The following LMBR1 variants were observed in gnomAD, a reference collection of about 807,000 sequenced individuals.
LMBR1 encodes limb development membrane protein 1, also known as limb region 1 protein homolog.
A neutral mutation model predicts 73.9 loss-of-function variants in LMBR1; 52 were observed. The ratio of observed to expected loss-of-function variants is 0.70; its 90% CI spans 0.56 to 0.89. The LOEUF is 0.89. Ranked by LOEUF, LMBR1 falls within the 40% of genes least tolerant of loss-of-function variation. The pLI is 0.00. For synonymous variants in LMBR1, 215 were observed against 209.4 expected (o/e 1.03, Z -0.23); for missense variants, 539 against 579.8 (o/e 0.93, Z 0.72).
intron 15 of LMBR1, among the ~76,000 whole-genome samples, chr7:156,697,092 C>T (rs780941947): frequency 5.3e-5 from 8 of 152,102 alleles, no homozygotes; most frequent in Non-Finnish European, 1.0e-4. Context: ...ATAGCTGGGC[C>T]GCCAGGGGTG....
intron 10 of LMBR1, among the ~76,000 whole-genome samples, chr7:156,731,272 G>T (rs1816785300): frequency 6.6e-6 from 1 of 151,984 alleles, no homozygotes; most frequent in South Asian, 2.1e-4. Flanking sequence ...ATACAGAAAA[G>T]AATATAAGAA....
At chr7:156,817,490 GAC>G (rs1270219490) in intron 4 of LMBR1, among the ~76,000 whole-genome samples, 1 of 121,604 alleles carries the variant, frequency 8.2e-6, no homozygotes, top group African/African-American at 3.3e-5. Context: ...GGTAAAAAGA[GAC>G]AGAGAGAGAG....
At chr7:156,784,297 C>G (rs1419871691) in intron 5 of LMBR1, among the ~76,000 whole-genome samples, 2 of 152,172 alleles carry the variant, frequency 1.3e-5, no homozygotes, top group African/African-American at 4.8e-5. Context: ...TATTTAAGAA[C>G]TCTTGTCCTG....
At chr7:156,861,128 AGG>A (rs1038988554) in intron 1 of LMBR1, among the ~76,000 whole-genome samples, 1 of 152,210 alleles carries the variant, frequency 6.6e-6, no homozygotes, top group African/African-American at 2.4e-5. Flanking sequence ...GTTCTCCATG[AGG>A]GCCCAGCCCC....
In LMBR1 at chr7:156,826,751, G is replaced by T; in HGVS notation, c.180-7C>A. On this transcript the variant is annotated splice_region_variant and splice_polypyrimidine_tract_variant and intron_variant, in intron 3 of 16. Coordinates refer to ENST00000353442, the MANE Select transcript of LMBR1 (RefSeq NM_022458.4). ...GAACGTGCTCAAAAACAACCTGGAA[G>T]AAAGGAGAGTCACCATCACAAGTGA... is the stretch of plus-strand genomic sequence containing the variant. 6.3e-7 allele frequency: 1 copy of T among 1,599,036 alleles called. No homozygotes were observed. The highest frequency in any genetic ancestry group is 8.5e-7 in the Non-Finnish European group (1 of 1,171,300).
intron 5 of LMBR1, among the ~76,000 whole-genome samples, chr7:156,779,175 A>G (rs1826673521): frequency 6.6e-6 from 1 of 152,212 alleles, no homozygotes; most frequent in African/African-American, 2.4e-5. Flanking sequence ...ATTATGTCAT[A>G]TATCACCAGG....
At chr7:156,847,387 C>T (rs868090266) in intron 1 of LMBR1, among the ~76,000 whole-genome samples, 30 of 152,066 alleles carry the variant, frequency 2.0e-4, no homozygotes, top group African/African-American at 6.5e-4. Context: ...TTGGGGATTG[C>T]TTTTTAGATA....
At chr7:156,715,670 T>C (rs944591728) in intron 15 of LMBR1, among the ~76,000 whole-genome samples, 5 of 152,344 alleles carry the variant, frequency 3.3e-5, no homozygotes, top group South Asian at 4.1e-4. Flanking sequence ...TGGCAACTCA[T>C]GAAATGAACT....
chr7:156,873,109 A>G (rs542488870), intron 1 of LMBR1, among the ~76,000 whole-genome samples: 15 of 152,230 alleles, frequency 9.9e-5, no homozygotes, highest in Admixed American at 9.8e-4. Flanking sequence ...TCAAGAATGA[A>G]GCCGCGGACT....
Position 156,892,779 on chromosome 7 carries a change from G to A in LMBR1, c.66+149C>T, listed in dbSNP as rs1287210174. The A allele has an allele frequency of 3.7e-5, 16 of 429,330 alleles. No homozygotes were observed. The East Asian group carries it at 5.9e-4, about 16-fold the overall frequency. The allele number at this position is 429,330 out of a possible 1,614,324, so 26.6% of individuals were successfully genotyped here. A position where few individuals can be genotyped will look rare whatever the true frequency, so the allele number is the denominator to read the frequency against. On this transcript the variant is annotated intron_variant, in intron 1 of 16. Transcript: ENST00000353442. Reference sequence around the variant, plus strand: ...GGAAGGGGAGGGGAGGGGAGAGGAGGGGTGGGGAGGGAGAGCGGCAGAGGC... The same window carrying A: ...GGAAGGGGAGGGGAGGGGAGAGGAGAGGTGGGGAGGGAGAGCGGCAGAGGC...
In LMBR1 at chr7:156,734,165, AAAGTACAATACCT is replaced by A. The variant is rs756991197; in HGVS notation, c.837_838+11del. On this transcript the variant is annotated splice_donor_variant and splice_donor_5th_base_variant and coding_sequence_variant and intron_variant, in exon 10 of 17. Transcript: ENST00000353442. LOFTEE classifies it high-confidence loss of function. ...GGCCAATACACAAGTCAAGAAAAAA[AAAGTACAATACCT>A]AATTTTGTCTTAAGAGTCTTTACAT... 6.4e-7 allele frequency: 1 copy of A among 1,562,252 alleles called. No individual in the cohort carries two copies. The highest frequency in any genetic ancestry group is 1.9e-5 in the Admixed American group (1 of 52,748).
At chr7:156,806,762 C>A (rs1230296507) in intron 4 of LMBR1, among the ~76,000 whole-genome samples, 1 of 152,018 alleles carries the variant, frequency 6.6e-6, no homozygotes, top group Non-Finnish European at 1.5e-5. Context: ...CAGGTGCACA[C>A]CACCATGCCC....
intron 5 of LMBR1, among the ~76,000 whole-genome samples, chr7:156,787,922 G>A (rs1828442714): frequency 6.6e-6 from 1 of 152,152 alleles, no homozygotes; most frequent in Non-Finnish European, 1.5e-5. Context: ...GATTACAGGT[G>A]CCCACCACCA....
intron 15 of LMBR1, among the ~76,000 whole-genome samples, chr7:156,691,985 G>A (rs969277870): frequency 6.6e-6 from 1 of 152,132 alleles, no homozygotes; most frequent in African/African-American, 2.4e-5. Context: ...ATTGCCAATT[G>A]TTTTATTCAT....
chr7:156,823,316 T>C (rs1431654660), intron 4 of LMBR1: 3 of 152,092 alleles, frequency 2.0e-5, no homozygotes, highest in Non-Finnish European at 4.4e-5. Context: ...ATTAAGTTTA[T>C]GGCTAAAAAC....
Position 156,683,389 on chromosome 7 carries a change from A to T in LMBR1, c.*689T>A, listed in dbSNP as rs1238533986. The T allele has an allele frequency of 6.6e-6, 1 of 152,662 alleles. No homozygotes were observed. The highest frequency in any genetic ancestry group is 1.5e-5 in the Non-Finnish European group (1 of 68,048). 9.5% of individuals were successfully genotyped at this position (152,662 alleles called of 1,614,324 possible). A position where few individuals can be genotyped will look rare whatever the true frequency, so the allele number is the denominator to read the frequency against. On this transcript the variant is annotated 3_prime_UTR_variant, in exon 17 of 17. Coordinates refer to ENST00000353442, the MANE Select transcript of LMBR1 (RefSeq NM_022458.4). The stretch of plus-strand genomic sequence containing the variant: ...AAACTGTGATTACATGATACTTCCT[A>T]CCACAGCTTATTAGACTGTACAACA...
At chr7:156,711,441 T>C (rs1019415869) in intron 15 of LMBR1, among the ~76,000 whole-genome samples, 1 of 152,140 alleles carries the variant, frequency 6.6e-6, no homozygotes. Flanking sequence ...AAACAATCTA[T>C]AGATTCAATG....
chr7:156,789,180 G>A (rs751959650), intron 5 of LMBR1, among the ~76,000 whole-genome samples: 6 of 151,990 alleles, frequency 3.9e-5, no homozygotes, highest in African/African-American at 1.2e-4. Context: ...TTTTTCTACT[G>A]TTAGTGTGTC....
downstream of LMBR1, chr7:156,675,615 A>T: frequency 8.4e-7 from 1 of 1,188,008 alleles, no homozygotes; most frequent in Non-Finnish European, 1.2e-6. Context: ...TTACCAAAAT[A>T]GATGGTCAGG....
Sources: gnomAD v4.1 joint callset for allele counts (sites outside exome capture counted in the v4.1 genomes callset) on GRCh38, gnomAD v4.1.1 for gene constraint, MANE v1.5 for transcripts, NCBI Gene and HGNC (gene_info 2026-07-23, HGNC 2026-07-21) for gene names.